The following SCRG1 variants were observed in gnomAD, a reference collection of about 807,000 sequenced individuals.
The protein encoded by SCRG1 is stimulator of chondrogenesis 1.
SCRG1 carries 3 observed loss-of-function variants against 7.7 expected under a neutral mutation model. The observed-to-expected ratio is 0.39, with a 90% CI of 0.18 to 1.01. SCRG1 has a LOEUF of 1.01. Ranked by LOEUF, SCRG1 falls within the 50% of genes least tolerant of loss-of-function variation. SCRG1 has a pLI of 0.36. For missense variants in SCRG1, 110 were observed against 117.2 expected (o/e 0.94, Z 0.28); for synonymous variants, 46 against 41.2 (o/e 1.12, Z -0.44).
At chr4:173,494,511 C>A in the SCRG1 span, among the ~76,000 whole-genome samples, 1 of 152,226 alleles carries the variant, frequency 6.6e-6, no homozygotes, top group African/African-American at 2.4e-5. Flanking sequence ...ACGCTCCACT[C>A]GGAGCAAGCA....
At chr4:173,438,329 C>G in the SCRG1 span, among the ~76,000 whole-genome samples, 1 of 151,272 alleles carries the variant, frequency 6.6e-6, no homozygotes, top group Non-Finnish European at 1.5e-5. Context: ...CTCCATGTTG[C>G]TCAGGCTGGT....
upstream of SCRG1, among the ~76,000 whole-genome samples, chr4:173,400,434 G>A (rs1739732671): frequency 6.6e-6 from 1 of 152,198 alleles, no homozygotes; most frequent in African/African-American, 2.4e-5. Context: ...GTTGGTGAAC[G>A]TTGAGTTTAA....
At chr4:173,499,040 G>A in the SCRG1 span, among the ~76,000 whole-genome samples, 1 of 152,188 alleles carries the variant, frequency 6.6e-6, no homozygotes, top group African/African-American at 2.4e-5. This position sits in a 1 kb window ranked among gnomAD's most constrained non-coding sequence, Gnocchi z 4.1. Flanking sequence ...CGCGGGTTCT[G>A]GAGACAGCAT....
chr4:173,443,236 T>C, the SCRG1 span, among the ~76,000 whole-genome samples: 148,672 of 152,292 alleles, frequency 0.98, 72,646 homozygotes, highest in East Asian at 1. Flanking sequence ...GAGAAAAATA[T>C]CACAGAATAG....
the SCRG1 span, among the ~76,000 whole-genome samples, chr4:173,494,936 C>A: frequency 6.6e-6 from 1 of 152,160 alleles, no homozygotes; most frequent in African/African-American, 2.4e-5. Flanking sequence ...ACTTCTTATA[C>A]CGGCTGAGAG....
the SCRG1 span, among the ~76,000 whole-genome samples, chr4:173,479,533 T>G: frequency 1.3e-5 from 2 of 148,958 alleles, no homozygotes; most frequent in South Asian, 4.5e-4. Context: ...CTCTGCCTCC[T>G]GGGTTCAAGC....
At chr4:173,449,939 T>C in the SCRG1 span, among the ~76,000 whole-genome samples, 1 of 152,348 alleles carries the variant, frequency 6.6e-6, no homozygotes, top group Non-Finnish European at 1.5e-5. Flanking sequence ...ATACAGTTTG[T>C]TGAGGAAAAA....
At chr4:173,510,248 C>G in the SCRG1 span, among the ~76,000 whole-genome samples, 1 of 152,032 alleles carries the variant, frequency 6.6e-6, no homozygotes, top group Middle Eastern at 3.2e-3. This position sits in a 1 kb window ranked among gnomAD's most constrained non-coding sequence, Gnocchi z 5.7. Flanking sequence ...GAATACTGCT[C>G]CCCAGCAATG....
At chr4:173,489,434 C>G in the SCRG1 span, among the ~76,000 whole-genome samples, 8 of 152,084 alleles carry the variant, frequency 5.3e-5, no homozygotes, top group Non-Finnish European at 1.2e-4. Flanking sequence ...ATGTTCACAT[C>G]TGAAGTATAC....
At chr4:173,429,177 T>A in the SCRG1 span, among the ~76,000 whole-genome samples, 1 of 152,246 alleles carries the variant, frequency 6.6e-6, no homozygotes, top group African/African-American at 2.4e-5. Flanking sequence ...CAGGGACAGC[T>A]GGATTTCTTT....
At chr4:173,464,591 C>T in the SCRG1 span, among the ~76,000 whole-genome samples, 2 of 152,156 alleles carry the variant, frequency 1.3e-5, no homozygotes, top group Non-Finnish European at 2.9e-5. Flanking sequence ...CAAAAAATAA[C>T]AAGTGTTGCT....
chr4:173,427,400 G>A, the SCRG1 span, among the ~76,000 whole-genome samples: 1 of 152,188 alleles, frequency 6.6e-6, no homozygotes, highest in Non-Finnish European at 1.5e-5. Flanking sequence ...AGGAAAAACT[G>A]AAGAAAAACA....
chr4:173,484,437 A>C, the SCRG1 span, among the ~76,000 whole-genome samples: 32 of 35,190 alleles, frequency 9.1e-4, 1 homozygote, highest in African/African-American at 2.9e-3. Context: ...TATTATATAC[A>C]TATGATATAT....
the SCRG1 span, among the ~76,000 whole-genome samples, chr4:173,483,428 T>TATATTATATATTATATCATGATAC: frequency 5.0e-5 from 1 of 19,818 alleles, no homozygotes; most frequent in African/African-American, 3.6e-4. Context: ...TATCATGATA[T>TATATTATATATTATATCATGATAC]AGTATATATT....
chr4:173,397,958 G>A (rs892865677), intron 1 of SCRG1, among the ~76,000 whole-genome samples: 3 of 152,210 alleles, frequency 2.0e-5, no homozygotes, highest in Non-Finnish European at 4.4e-5. Context: ...CTTGACATTT[G>A]AAATATCAAA....
chr4:173,494,108 A>T, the SCRG1 span, among the ~76,000 whole-genome samples: 717 of 152,206 alleles, frequency 4.7e-3, 7 homozygotes, highest in African/African-American at 0.016. Flanking sequence ...GTACGCATAT[A>T]CTTGGTTACT....
chr4:173,484,950 T>C, the SCRG1 span, among the ~76,000 whole-genome samples: 1 of 58,066 alleles, frequency 1.7e-5, no homozygotes. Context: ...ATATTATATA[T>C]AATATTATAT....
At chr4:173,431,572 G>T in the SCRG1 span, among the ~76,000 whole-genome samples, 12 of 152,226 alleles carry the variant, frequency 7.9e-5, no homozygotes, top group African/African-American at 2.9e-4. Context: ...TGCCTGTAAA[G>T]TGAAGCCAGA....
intron 1 of SCRG1, among the ~76,000 whole-genome samples, chr4:173,395,750 G>A (rs1348700998): frequency 6.6e-6 from 1 of 152,158 alleles, no homozygotes; most frequent in Non-Finnish European, 1.5e-5. Context: ...ATTTTTATAA[G>A]CTGGTTAACC....
Sources: allele counts gnomAD v4.1 joint callset (sites outside exome capture counted in the v4.1 genomes callset), GRCh38; gene constraint gnomAD v4.1.1; non-coding constraint Gnocchi (gnomAD v3.1); transcripts MANE v1.5; gene names NCBI Gene and HGNC (gene_info 2026-07-23, HGNC 2026-07-21).